CBLB: variants seen among roughly 807,000 people sequenced by gnomAD.
The protein encoded by CBLB is E3 ubiquitin-protein ligase CBL-B.
In CBLB, 31 loss-of-function variants were observed where a neutral mutation model predicts 104.9. The observed-to-expected ratio is 0.30, with a 90% confidence interval of 0.22 to 0.40. The LOEUF is 0.40. Among genes scored for constraint, CBLB ranks in the 10% least tolerant of loss-of-function variants. The pLI, the probability that CBLB is intolerant of heterozygous loss-of-function variation, is 1.00. For missense variants in CBLB, 1,062 were observed against 1,214.6 expected (o/e 0.87, Z 1.87); for synonymous variants, 440 against 422.6 (o/e 1.04, Z -0.51).
chr3:105,867,064 CTT>C (rs1306087858), intron 2 of CBLB, among the ~76,000 whole-genome samples: 1 of 152,174 alleles, frequency 6.6e-6, no homozygotes, highest in African/African-American at 2.4e-5. Flanking sequence ...TGCTGGTACT[CTT>C]TTGTTATCTA....
chr3:105,751,438 T>C, intron 5 of CBLB, 24 bp downstream of exon 5: 1 of 1,558,640 alleles, frequency 6.4e-7, no homozygotes, highest in Non-Finnish European at 8.8e-7. Flanking sequence ...AGGGAATGGA[T>C]AGACTAAGCA....
rs755036194 is a variant in CBLB at position 105,685,319 on chromosome 3, C to T, written c.2201+1G>A. On this transcript the variant is annotated splice_donor_variant, in intron 14 of 18. Coordinates refer to ENST00000394030, the MANE Select transcript of CBLB (RefSeq NM_170662.5). LOFTEE classifies it high-confidence loss of function. ...TGGCAAAAATCTGCCCATACTCTTA[C>T]CGAACAGGAGGTTTTACATTATGAC... The T allele has an allele frequency of 6.2e-7, 1 of 1,613,494 alleles. No homozygotes were observed. Among genetic ancestry groups the T allele is most frequent in the African/African-American group, 1.3e-5 (1 of 74,890 alleles).
chr3:105,853,737 A>G, intron 2 of CBLB, 73 bp from the exon 3 acceptor site: 2 of 1,034,256 alleles, frequency 1.9e-6, no homozygotes, highest in South Asian at 1.5e-5. Context: ...TTAGAGAACC[A>G]TGTCCTATTT....
intron 4 of CBLB, among the ~76,000 whole-genome samples, chr3:105,765,155 A>C (rs2078079466): frequency 6.6e-6 from 1 of 152,212 alleles, no homozygotes; most frequent in African/African-American, 2.4e-5. Flanking sequence ...CAGATAATTA[A>C]TGTAGATGAA....
At chr3:105,745,435 T>C (rs1423483514) in intron 6 of CBLB, among the ~76,000 whole-genome samples, 2 of 152,200 alleles carry the variant, frequency 1.3e-5, no homozygotes, top group Admixed American at 6.5e-5. Flanking sequence ...GGACACGAAA[T>C]TGGTTTTGAT....
At chr3:105,808,349 A>G (rs1445830557) in intron 3 of CBLB, among the ~76,000 whole-genome samples, 5 of 152,168 alleles carry the variant, frequency 3.3e-5, no homozygotes, top group African/African-American at 1.2e-4. Flanking sequence ...CTTTAGTAAT[A>G]TGTGTTTCTC....
intron 3 of CBLB, among the ~76,000 whole-genome samples, chr3:105,838,295 C>T (rs939216264): frequency 8.3e-5 from 9 of 108,970 alleles, no homozygotes; most frequent in Admixed American, 1.4e-4. Context: ...TGGGGTCTCT[C>T]TGTTACCCAG....
chr3:105,682,447 TAC>T (rs1426005857), intron 14 of CBLB, among the ~76,000 whole-genome samples: 1 of 152,160 alleles, frequency 6.6e-6, no homozygotes, highest in Non-Finnish European at 1.5e-5. Flanking sequence ...ACACGACAAG[TAC>T]AGTTTTTAAT....
chr3:105,692,877 T>C (rs370688264), intron 13 of CBLB, among the ~76,000 whole-genome samples: 1 of 149,090 alleles, frequency 6.7e-6, no homozygotes, highest in East Asian at 1.9e-4. Flanking sequence ...ATGAGAGATA[T>C]CTAGTGTGCC....
intron 3 of CBLB, among the ~76,000 whole-genome samples, chr3:105,777,321 A>C (rs1403264425): frequency 6.6e-6 from 1 of 152,214 alleles, no homozygotes; most frequent in Non-Finnish European, 1.5e-5. Flanking sequence ...TGCTTTCCTC[A>C]TTAAGAGGTA....
intron 12 of CBLB, among the ~76,000 whole-genome samples, chr3:105,697,537 G>T (rs564018377): frequency 1.3e-5 from 2 of 151,924 alleles, no homozygotes; most frequent in Non-Finnish European, 2.9e-5. Context: ...CCTATAATTT[G>T]TCCTTCAACG....
chr3:105,846,775 T>C (rs2090310494), intron 3 of CBLB, among the ~76,000 whole-genome samples: 1 of 152,072 alleles, frequency 6.6e-6, no homozygotes, highest in South Asian at 2.1e-4. Context: ...AATGTGGTAA[T>C]TGATGTAGCA....
At chr3:105,825,831 T>G (rs1224098944) in intron 3 of CBLB, among the ~76,000 whole-genome samples, 1 of 152,216 alleles carries the variant, frequency 6.6e-6, no homozygotes, top group African/African-American at 2.4e-5. Flanking sequence ...TATCACAGAC[T>G]AATGTTAAGC....
At chr3:105,685,279 T>C (rs1559814402) in intron 14 of CBLB, 41 bp downstream of exon 14, 1 of 1,530,990 alleles carries the variant, frequency 6.5e-7, no homozygotes, top group Non-Finnish European at 9.1e-7. Flanking sequence ...ATGATAATGC[T>C]TATGCAGATG....
At chr3:105,720,347 A>G in intron 9 of CBLB, 97 bp from the exon 10 acceptor site, 1 of 1,201,398 alleles carries the variant, frequency 8.3e-7, no homozygotes, top group Admixed American at 2.0e-5. Context: ...CACACCCCCA[A>G]AAAGACTTTT....
intron 10 of CBLB, among the ~76,000 whole-genome samples, chr3:105,717,358 A>T (rs1300303878): frequency 6.6e-6 from 1 of 152,140 alleles, no homozygotes; most frequent in Non-Finnish European, 1.5e-5. Context: ...ATTCTCCATT[A>T]TCCATCCATT....
At chr3:105,861,419 CAATAT>C (rs2092075560) in intron 2 of CBLB, among the ~76,000 whole-genome samples, 1 of 152,032 alleles carries the variant, frequency 6.6e-6, no homozygotes, top group Non-Finnish European at 1.5e-5. Flanking sequence ...CCTGACAACC[CAATAT>C]AAAATTTACA....
chr3:105,854,249 T>C (rs1019308285), intron 2 of CBLB, among the ~76,000 whole-genome samples: 4 of 152,224 alleles, frequency 2.6e-5, no homozygotes, highest in Admixed American at 6.5e-5. Context: ...ATGTGGCATA[T>C]AACGGTTCAG....
At position 105,725,460 on chromosome 3, in the gene CBLB, C is replaced by T. The variant is rs75458553; in HGVS notation, c.1204-5210G>A. Reference sequence around the variant, plus strand: ...GCCAGTATCTGTTACGGTCCACACACTCTACAATATAGTGGGCATCCATCT... The same window carrying T: ...GCCAGTATCTGTTACGGTCCACACATTCTACAATATAGTGGGCATCCATCT... On this transcript the variant is annotated intron_variant, in intron 9 of 18. Coordinates refer to ENST00000394030, the MANE Select transcript of CBLB (RefSeq NM_170662.5). Among the ~76,000 whole-genome samples, 37 of 152,300 alleles carry T rather than the reference C, an allele frequency of 2.4e-4. No homozygotes were observed. The East Asian group carries it at 6.7e-3, about 28-fold the overall frequency.
Sources: gnomAD v4.1 joint callset for allele counts (sites outside exome capture counted in the v4.1 genomes callset) on GRCh38, gnomAD v4.1.1 for gene constraint, MANE v1.5 for transcripts, NCBI Gene and HGNC (gene_info 2026-07-23, HGNC 2026-07-21) for gene names.